SLC8A1: variants seen among roughly 807,000 people sequenced by gnomAD.
SLC8A1 encodes sodium/calcium exchanger 1.
Under a neutral mutation model 68.3 loss-of-function variants are expected in SLC8A1, and 18 were observed. The observed-to-expected ratio is 0.26, with a 90% CI of 0.18 to 0.39. SLC8A1 has a LOEUF of 0.39. Among genes scored for constraint, SLC8A1 ranks in the 10% least tolerant of loss-of-function variants. The probability of loss-of-function intolerance (pLI) is 1.00; values close to 1 mark genes in which losing one functional copy is unlikely to be tolerated. For missense variants in SLC8A1, 985 were observed against 1,156.7 expected (o/e 0.85, Z 2.15); for synonymous variants, 475 against 415.5 (o/e 1.14, Z -1.74).
intron 2 of SLC8A1, among the ~76,000 whole-genome samples, chr2:40,204,732 T>TAAC: frequency 6.6e-6 from 1 of 152,026 alleles, no homozygotes. Context: ...AATTTAATAA[T>TAAC]AACTTTTATT....
At chr2:40,132,032 C>T (rs2039480520) in intron 7 of SLC8A1, among the ~76,000 whole-genome samples, 1 of 151,864 alleles carries the variant, frequency 6.6e-6, no homozygotes, top group African/African-American at 2.4e-5. Flanking sequence ...AGGTGTTTTT[C>T]ATGCCAAACA....
intron 2 of SLC8A1, among the ~76,000 whole-genome samples, chr2:40,252,605 A>C (rs2062942494): frequency 6.6e-6 from 1 of 152,138 alleles, no homozygotes; most frequent in African/African-American, 2.4e-5. Context: ...AAGTGCTGGG[A>C]TGACAGGTGC....
chr2:40,309,681 T>C (rs2073328226), intron 2 of SLC8A1, among the ~76,000 whole-genome samples: 1 of 152,004 alleles, frequency 6.6e-6, no homozygotes, highest in African/African-American at 2.4e-5. Flanking sequence ...AATTTTTGTA[T>C]TTTCAGTAGA....
intron 2 of SLC8A1, among the ~76,000 whole-genome samples, chr2:40,309,714 C>T (rs1422041568): frequency 6.6e-6 from 1 of 152,072 alleles, no homozygotes; most frequent in African/African-American, 2.4e-5. Context: ...CTATGTTGGC[C>T]AGGCTGGTCT....
chr2:40,102,738 A>T (rs2125029525), exon 8 of SLC8A1: 1 of 152,306 alleles, frequency 6.6e-6, no homozygotes, highest in Middle Eastern at 3.4e-3. Context: ...GAAAATGCTT[A>T]TGGTGCATAC....
chr2:40,170,931 G>A (rs901683732), intron 4 of SLC8A1, among the ~76,000 whole-genome samples: 1 of 152,188 alleles, frequency 6.6e-6, no homozygotes, highest in Non-Finnish European at 1.5e-5. Flanking sequence ...ATGTACGCCT[G>A]TAGGTTTTGC....
chr2:40,209,854 A>G (rs1227412786), intron 2 of SLC8A1: 2 of 152,460 alleles, frequency 1.3e-5, no homozygotes, highest in Non-Finnish European at 2.9e-5. Context: ...TGGGGAGAAG[A>G]AGGCTTGACT....
At chr2:40,137,177 T>G (rs561983554) in intron 7 of SLC8A1, among the ~76,000 whole-genome samples, 2 of 152,190 alleles carry the variant, frequency 1.3e-5, no homozygotes, top group Non-Finnish European at 2.9e-5. Flanking sequence ...GCTGCCACAA[T>G]TTTCAAGAGT....
At chr2:40,113,197 A>G (rs1455858525) in exon 8 of SLC8A1, 1 of 152,352 alleles carries the variant, frequency 6.6e-6, no homozygotes, top group Admixed American at 6.5e-5. Context: ...TTATTAAATG[A>G]GGAAGGATCA....
At chr2:40,398,092 C>G (rs73928979) in intron 2 of SLC8A1, among the ~76,000 whole-genome samples, 1 of 152,208 alleles carries the variant, frequency 6.6e-6, no homozygotes, top group South Asian at 2.1e-4. Context: ...AAGAAAGTAA[C>G]CCAGAAGTAC....
At chr2:40,494,592 T>C (rs1705549864) in intron 1 of SLC8A1, among the ~76,000 whole-genome samples, 1 of 146,606 alleles carries the variant, frequency 6.8e-6, no homozygotes, top group Non-Finnish European at 1.5e-5. Flanking sequence ...CATATACATA[T>C]GTAACAAACC....
At chr2:40,129,797 G>T (rs2038949882) in intron 7 of SLC8A1, among the ~76,000 whole-genome samples, 1 of 152,096 alleles carries the variant, frequency 6.6e-6, no homozygotes, top group African/African-American at 2.4e-5. Context: ...CCCTTGCTCT[G>T]GCCAACCTAG....
At chr2:40,196,712 T>C (rs988044500) in intron 2 of SLC8A1, among the ~76,000 whole-genome samples, 6 of 151,994 alleles carry the variant, frequency 3.9e-5, no homozygotes, top group African/African-American at 1.2e-4. Context: ...CCTTAAAAAA[T>C]AACCCTTTTC....
At chr2:40,344,196 A>G (rs1049184651) in intron 2 of SLC8A1, among the ~76,000 whole-genome samples, 1 of 152,192 alleles carries the variant, frequency 6.6e-6, no homozygotes, top group Non-Finnish European at 1.5e-5. Context: ...AACTATTTAA[A>G]ATATCAAGAT....
intron 2 of SLC8A1, among the ~76,000 whole-genome samples, chr2:40,407,368 C>T (rs1049562369): frequency 1.7e-4 from 26 of 152,208 alleles, no homozygotes; most frequent in African/African-American, 6.3e-4. Flanking sequence ...ACCTGACCCA[C>T]CAGATTCCTC....
At chr2:40,313,235 A>G (rs985432877) in intron 2 of SLC8A1, among the ~76,000 whole-genome samples, 4 of 152,128 alleles carry the variant, frequency 2.6e-5, no homozygotes, top group African/African-American at 7.2e-5. Flanking sequence ...ACTCAGCCTA[A>G]TTATTTTAAG....
rs112778923 is a variant in SLC8A1 at position 40,184,542 on chromosome 2, T to A, written c.1809-6687A>T. On this transcript the variant is annotated intron_variant, in intron 2 of 7. Coordinates refer to ENST00000406785, the Ensembl canonical transcript of SLC8A1. Reference sequence around the variant, plus strand: ...GCGTTTACACTCATGCACAGTGATTTCCTTCTCAAGAAAGTGATGGGAGCT... The same window carrying A: ...GCGTTTACACTCATGCACAGTGATTACCTTCTCAAGAAAGTGATGGGAGCT... Among the ~76,000 whole-genome samples, 402 of 152,312 alleles carry A rather than the reference T, an allele frequency of 2.6e-3. 6 individuals are homozygous for A. The highest frequency in any genetic ancestry group is 9.2e-3 in the African/African-American group (383 of 41,572).
chr2:40,212,808 G>C (rs1244347874), intron 2 of SLC8A1, among the ~76,000 whole-genome samples: 1 of 152,146 alleles, frequency 6.6e-6, no homozygotes, highest in African/African-American at 2.4e-5. Context: ...CAGAGTTCCT[G>C]TTTGTGCAAC....
intron 2 of SLC8A1, among the ~76,000 whole-genome samples, chr2:40,218,246 G>A (rs767764048): frequency 1.3e-5 from 2 of 152,126 alleles, no homozygotes; most frequent in African/African-American, 4.8e-5. Flanking sequence ...ACATAAAAAT[G>A]TCCCATTTCC....
Sources: allele counts gnomAD v4.1 joint callset (sites outside exome capture counted in the v4.1 genomes callset), GRCh38; gene constraint gnomAD v4.1.1; transcripts MANE v1.5; gene names NCBI Gene and HGNC (gene_info 2026-07-23, HGNC 2026-07-21).